The following THSD7B variants were observed in gnomAD, a reference collection of about 807,000 sequenced individuals.
THSD7B encodes thrombospondin type-1 domain-containing protein 7B.
In THSD7B, 138 loss-of-function variants were observed where a neutral mutation model predicts 213.6. That is an observed-to-expected ratio of 0.65 (90% CI 0.56 to 0.74). The LOEUF is 0.74. Among genes scored for constraint, THSD7B ranks in the 30% least tolerant of loss-of-function variants. THSD7B has a pLI of 0.00. For synonymous variants in THSD7B, 742 were observed against 687.0 expected (o/e 1.08, Z -1.25); for missense variants, 1,931 against 1,991.5 (o/e 0.97, Z 0.58).
chr2:136,776,191 G>T (rs1479471437), intron 1 of THSD7B, among the ~76,000 whole-genome samples: 2 of 152,116 alleles, frequency 1.3e-5, no homozygotes, highest in African/African-American at 4.8e-5. Context: ...GGGAAGAAAG[G>T]AATTGGGCTC....
At chr2:137,453,720 A>C (rs932665821) in intron 15 of THSD7B, among the ~76,000 whole-genome samples, 3 of 152,166 alleles carry the variant, frequency 2.0e-5, no homozygotes, top group Non-Finnish European at 2.9e-5. Context: ...ATTGAAAATA[A>C]AATGTATTTC....
chr2:137,590,524 T>A (rs1396852272), intron 17 of THSD7B, among the ~76,000 whole-genome samples: 1 of 152,164 alleles, frequency 6.6e-6, no homozygotes, highest in African/African-American at 2.4e-5. Context: ...TGTGTATGTG[T>A]GTGTTTGTGT....
chr2:137,112,408 T>G (rs1390965866), intron 4 of THSD7B, among the ~76,000 whole-genome samples: 2 of 152,172 alleles, frequency 1.3e-5, no homozygotes, highest in African/African-American at 4.8e-5. Context: ...CTAAAGGATT[T>G]ATCATTTGCC....
intron 10 of THSD7B, among the ~76,000 whole-genome samples, chr2:137,245,882 A>C (rs899896332): frequency 6.6e-6 from 1 of 152,198 alleles, no homozygotes. Flanking sequence ...TGTGCATACA[A>C]GTCCCCTGGG....
intron 14 of THSD7B, among the ~76,000 whole-genome samples, chr2:137,438,041 A>G (rs978906023): frequency 6.6e-6 from 1 of 152,170 alleles, no homozygotes; most frequent in African/African-American, 2.4e-5. Context: ...TGAAGATGTT[A>G]TATTTTCTTT....
At chr2:137,583,291 C>T (rs1168673906) in intron 17 of THSD7B, among the ~76,000 whole-genome samples, 3 of 152,128 alleles carry the variant, frequency 2.0e-5, no homozygotes, top group Non-Finnish European at 2.9e-5. Flanking sequence ...TGTAGGTTGC[C>T]TGTTCACTCT....
intron 14 of THSD7B, among the ~76,000 whole-genome samples, chr2:137,419,371 A>G (rs1573614807): frequency 2.5e-5 from 2 of 81,500 alleles, no homozygotes; most frequent in Non-Finnish European, 6.8e-5. Context: ...GTGGGTCCTG[A>G]GTTCTTGTCC....
intron 2 of THSD7B, among the ~76,000 whole-genome samples, chr2:137,009,294 T>C (rs538428427): frequency 1.3e-5 from 2 of 152,302 alleles, no homozygotes; most frequent in South Asian, 4.1e-4. Context: ...AGGAATTCTT[T>C]CTTTGTATTT....
chr2:137,315,188 G>C (rs573557946), intron 12 of THSD7B, among the ~76,000 whole-genome samples: 4 of 152,326 alleles, frequency 2.6e-5, no homozygotes, highest in East Asian at 1.9e-4. Flanking sequence ...CTCCAAGCCA[G>C]GTGCGGGATA....
At chr2:136,842,079 C>T (rs778193) in intron 1 of THSD7B, among the ~76,000 whole-genome samples, 56,508 of 151,984 alleles carry the variant, frequency 0.37, 10,846 homozygotes, top group Non-Finnish European at 0.42. Context: ...GAGGCAGCTA[C>T]GTCTGTGGAA....
intron 17 of THSD7B, among the ~76,000 whole-genome samples, chr2:137,577,431 A>G (rs1338975859): frequency 6.6e-6 from 1 of 152,090 alleles, no homozygotes; most frequent in Non-Finnish European, 1.5e-5. Context: ...TCTCAATATC[A>G]TCAATTTGGA....
chr2:137,647,906 C>T (rs1188724992), intron 21 of THSD7B, among the ~76,000 whole-genome samples: 5 of 152,112 alleles, frequency 3.3e-5, no homozygotes, highest in Admixed American at 3.3e-4. Context: ...TCTAGTCATA[C>T]TGGGATTGCT....
chr2:136,793,075 A>T (rs531173494), intron 1 of THSD7B, among the ~76,000 whole-genome samples: 1 of 151,994 alleles, frequency 6.6e-6, no homozygotes. Context: ...GTGTGGGCAT[A>T]TATTTTCTTT....
chr2:136,977,757 T>C (rs893619750), intron 2 of THSD7B, among the ~76,000 whole-genome samples: 2 of 151,784 alleles, frequency 1.3e-5, no homozygotes, highest in Non-Finnish European at 2.9e-5. Context: ...TCAATTTCCA[T>C]GTAGTTGTGT....
At chr2:136,766,968 T>G (rs1342185892) in intron 1 of THSD7B, among the ~76,000 whole-genome samples, 1 of 145,444 alleles carries the variant, frequency 6.9e-6, no homozygotes, top group African/African-American at 2.5e-5. Flanking sequence ...CAGACTGTGG[T>G]GGGGTGTGTG....
At chr2:136,872,616 CTT>C (rs1476099181) in intron 1 of THSD7B, among the ~76,000 whole-genome samples, 2 of 136,064 alleles carry the variant, frequency 1.5e-5, no homozygotes, top group African/African-American at 5.4e-5. Context: ...TTTCTTTCTT[CTT>C]TCTCTTTCTT....
At chr2:136,927,489 G>A (rs909567948) in intron 2 of THSD7B, among the ~76,000 whole-genome samples, 4 of 152,176 alleles carry the variant, frequency 2.6e-5, no homozygotes, top group African/African-American at 9.7e-5. Flanking sequence ...AGATAATGTT[G>A]TGGAATCCTT....
At chr2:136,979,607 T>A (rs1358552436) in intron 2 of THSD7B, among the ~76,000 whole-genome samples, 2 of 152,216 alleles carry the variant, frequency 1.3e-5, no homozygotes, top group Non-Finnish European at 2.9e-5. Flanking sequence ...AGTTCTCAAG[T>A]TGTATTTTTC....
At chr2:137,124,995 AT>A (rs879758282) in intron 5 of THSD7B, among the ~76,000 whole-genome samples, 1 of 152,088 alleles carries the variant, frequency 6.6e-6, no homozygotes, top group East Asian at 1.9e-4. Context: ...GACTTTAATT[AT>A]TTTTTTGACT....
Sources: allele counts gnomAD v4.1 joint callset (sites outside exome capture counted in the v4.1 genomes callset), GRCh38; gene constraint gnomAD v4.1.1; transcripts MANE v1.5; gene names NCBI Gene and HGNC (gene_info 2026-07-23, HGNC 2026-07-21).